NAA11: variants seen among roughly 807,000 people sequenced by gnomAD.
NAA11 encodes N-alpha-acetyltransferase 11, NatA catalytic subunit, also known as N-alpha-acetyltransferase 11.
Under a neutral mutation model 16.1 loss-of-function variants are expected in NAA11, and 15 were observed. That is an observed-to-expected ratio of 0.93 (90% CI 0.62 to 1.44). NAA11 has a LOEUF of 1.44. NAA11 is among the 40% of genes most tolerant of loss of function. The pLI is 0.00. For synonymous variants in NAA11, 122 were observed against 112.4 expected (o/e 1.09, Z -0.54); for missense variants, 298 against 291.3 (o/e 1.02, Z -0.17).
chr4:79,166,194 T>G, the NAA11 span, among the ~76,000 whole-genome samples: 151,131 of 152,264 alleles, frequency 0.99, 75,012 homozygotes, highest in Middle Eastern at 1. Flanking sequence ...CATCTTAACT[T>G]AAAATTGTAG....
chr4:79,302,554 G>A (rs143014840), intron 1 of NAA11, among the ~76,000 whole-genome samples: 1 of 152,208 alleles, frequency 6.6e-6, no homozygotes, highest in African/African-American at 2.4e-5. Flanking sequence ...TGCATTGTCT[G>A]AGACTGTATA....
At chr4:79,320,640 A>G (rs1469502048) in intron 1 of NAA11, among the ~76,000 whole-genome samples, 1 of 152,206 alleles carries the variant, frequency 6.6e-6, no homozygotes, top group Non-Finnish European at 1.5e-5. Context: ...TACCTGCAAA[A>G]CAGTGCGTTT....
the NAA11 span, among the ~76,000 whole-genome samples, chr4:79,171,649 G>A: frequency 1.8e-4 from 28 of 152,254 alleles, no homozygotes; most frequent in East Asian, 5.2e-3. Flanking sequence ...TTATTTCAAT[G>A]TGAACATAGC....
At chr4:79,322,456 T>C (rs1373932428) in intron 1 of NAA11, among the ~76,000 whole-genome samples, 2 of 151,844 alleles carry the variant, frequency 1.3e-5, no homozygotes, top group Admixed American at 6.6e-5. Context: ...ATAGCAGATA[T>C]TAAGTGCTTT....
At chr4:79,234,447 T>C (rs370156062) in intron 2 of NAA11, among the ~76,000 whole-genome samples, 20 of 152,138 alleles carry the variant, frequency 1.3e-4, no homozygotes, top group African/African-American at 4.8e-4. Context: ...TGGTCTACGC[T>C]TAATTGGCCA....
At chr4:79,249,708 A>T (rs929056110) in intron 2 of NAA11, among the ~76,000 whole-genome samples, 1 of 152,236 alleles carries the variant, frequency 6.6e-6, no homozygotes, top group African/African-American at 2.4e-5. Context: ...CGCCATGAAA[A>T]TTCCCCAAAC....
At chr4:79,185,070 T>A in the NAA11 span, among the ~76,000 whole-genome samples, 1 of 152,200 alleles carries the variant, frequency 6.6e-6, no homozygotes, top group Admixed American at 6.5e-5. Context: ...AGTTTGTTTT[T>A]TTAATTGAAA....
chr4:79,204,914 T>A, the NAA11 span, among the ~76,000 whole-genome samples: 1 of 132,418 alleles, frequency 7.6e-6, no homozygotes, highest in Non-Finnish European at 1.6e-5. Context: ...ATGGCTAATA[T>A]TCCATGGTGT....
At chr4:79,293,471 T>C (rs1425721364) in intron 2 of NAA11, among the ~76,000 whole-genome samples, 1 of 152,144 alleles carries the variant, frequency 6.6e-6, no homozygotes, top group Non-Finnish European at 1.5e-5. Context: ...CTATATCAAG[T>C]CAATTAATTT....
the NAA11 span, among the ~76,000 whole-genome samples, chr4:79,189,676 C>T: frequency 6.6e-6 from 1 of 152,186 alleles, no homozygotes. Flanking sequence ...AGTAACACCC[C>T]TTTGTTGACT....
chr4:79,313,150 CA>C (rs199609107), downstream of NAA11, among the ~76,000 whole-genome samples: 1,875 of 144,584 alleles, frequency 0.013, 13 homozygotes, highest in African/African-American at 0.025. Context: ...AAAGAGGAAA[CA>C]AAAAAAAAAT....
intron 2 of NAA11, among the ~76,000 whole-genome samples, chr4:79,254,734 T>A (rs1197743580): frequency 6.6e-6 from 1 of 151,136 alleles, no homozygotes; most frequent in Non-Finnish European, 1.5e-5. Context: ...TTAGGGTACA[T>A]GTGCACAACA....
At chr4:79,236,863 G>A (rs1721582293) in intron 2 of NAA11, among the ~76,000 whole-genome samples, 1 of 152,080 alleles carries the variant, frequency 6.6e-6, no homozygotes, top group African/African-American at 2.4e-5. Context: ...GGTCATAATG[G>A]TGCATAGTCC....
intron 2 of NAA11, among the ~76,000 whole-genome samples, chr4:79,280,496 G>T: frequency 6.6e-6 from 1 of 151,926 alleles, no homozygotes; most frequent in East Asian, 1.9e-4. Flanking sequence ...TTCTACTTTG[G>T]TTGTTATCCT....
chr4:79,167,556 G>A, the NAA11 span, among the ~76,000 whole-genome samples: 2 of 151,978 alleles, frequency 1.3e-5, no homozygotes, highest in African/African-American at 4.8e-5. Context: ...CCTAGAAAAA[G>A]TTTCCTAATA....
the NAA11 span, among the ~76,000 whole-genome samples, chr4:79,183,284 T>A: frequency 2.0e-5 from 3 of 152,172 alleles, no homozygotes; most frequent in Non-Finnish European, 4.4e-5. Context: ...TGTTTTGGCA[T>A]TGCATACAAT....
the NAA11 span, among the ~76,000 whole-genome samples, chr4:79,200,781 A>G: frequency 7.9e-5 from 12 of 151,918 alleles, no homozygotes; most frequent in East Asian, 2.3e-3. Context: ...CCTTTCACTC[A>G]TGCAACTCAC....
At chr4:79,228,916 T>C (rs1721390120) in intron 2 of NAA11, among the ~76,000 whole-genome samples, 1 of 152,028 alleles carries the variant, frequency 6.6e-6, no homozygotes, top group Non-Finnish European at 1.5e-5. Flanking sequence ...CCATTCTATT[T>C]TTCAGTCTCA....
At chr4:79,197,237 G>A in the NAA11 span, among the ~76,000 whole-genome samples, 2 of 151,498 alleles carry the variant, frequency 1.3e-5, no homozygotes, top group Non-Finnish European at 2.9e-5. Context: ...TTACTGAGGG[G>A]TTTTTTTTAA....
Sources: allele counts gnomAD v4.1 joint callset (sites outside exome capture counted in the v4.1 genomes callset), GRCh38; gene constraint gnomAD v4.1.1; transcripts MANE v1.5; gene names NCBI Gene and HGNC (gene_info 2026-07-23, HGNC 2026-07-21).